The following PER3 variants were observed in gnomAD, a reference collection of about 807,000 sequenced individuals.
The protein encoded by PER3 is period circadian regulator 3, also known as period circadian protein homolog 3.
Under a neutral mutation model 127.2 loss-of-function variants are expected in PER3, and 107 were observed. The ratio of observed to expected loss-of-function variants is 0.84; its 90% confidence interval spans 0.72 to 0.99. PER3 has a LOEUF of 0.99. PER3 is among the 50% of genes least tolerant of loss of function. The probability of loss-of-function intolerance (pLI) is 0.00; values close to 1 mark genes in which losing one functional copy is unlikely to be tolerated. For missense variants in PER3, 1,560 were observed against 1,525.8 expected (o/e 1.02, Z -0.37); for synonymous variants, 618 against 585.8 (o/e 1.05, Z -0.79).
At chr1:7,833,517 C>T (rs1577950617) in intron 19 of PER3, among the ~76,000 whole-genome samples, 2 of 152,156 alleles carry the variant, frequency 1.3e-5, no homozygotes, top group Admixed American at 1.3e-4. Flanking sequence ...ATATGTCTTG[C>T]TTTGAAGTCT....
chr1:7,812,876 A>C (rs2150906516), intron 13 of PER3, among the ~76,000 whole-genome samples: 1 of 152,244 alleles, frequency 6.6e-6, no homozygotes, highest in South Asian at 2.1e-4. Context: ...GAGCTACAGA[A>C]ACCTTTATAC....
In PER3 at chr1:7,826,785, A is replaced by G. The variant is rs2097303458; in HGVS notation, c.2188+75A>G. The G allele has an allele frequency of 3.5e-6, 3 of 857,588 alleles. No homozygotes were observed. Among genetic ancestry groups the G allele is most frequent in the Non-Finnish European group, 5.7e-6 (3 of 524,116 alleles). The allele number at this position is 857,588 out of a possible 1,614,324, so 53.1% of individuals were successfully genotyped here. On this transcript the variant is annotated intron_variant, in intron 17 of 21. Coordinates refer to ENST00000377532, the MANE Select transcript of PER3 (RefSeq NM_001377275.1). This position sits in a 1 kb window ranked among gnomAD's most constrained non-coding sequence, Gnocchi z 4.2. ...AACTGTATCTAAGGACTAGGAGATA[A>G]GGAGTGAACAATAGGAGTTTTACTT...
chr1:7,828,914 T>C (rs983499215), intron 18 of PER3, among the ~76,000 whole-genome samples: 1 of 152,178 alleles, frequency 6.6e-6, no homozygotes, highest in Non-Finnish European at 1.5e-5. Context: ...AACATATAAA[T>C]GTTCGATATG....
rs765289714 is a variant in PER3, at chr1:7,820,561, G to A, written c.1878G>A (p.Thr626=). 2.9e-5 allele frequency: 46 copies of A among 1,614,016 alleles called. No homozygotes were observed. Among genetic ancestry groups the A allele is most frequent in the Non-Finnish European group, 3.5e-5 (41 of 1,180,018 alleles). ...TGGGAPQILS[T]AMLSLGSGIS... is the part of the protein sequence containing the mutation. ...GAGGAGCTCCACAGATCCTGTCCAC[G>A]GCGATGCTGAGCTTGGGGTCGGGCA... Residue 626 remains threonine (T), a synonymous_variant, in exon 16 of 22, where the codon ACG becomes ACA. Coordinates refer to ENST00000377532, the MANE Select transcript of PER3 (RefSeq NM_001377275.1).
chr1:7,793,055 A>G (rs908760597), intron 5 of PER3, among the ~76,000 whole-genome samples: 6 of 152,240 alleles, frequency 3.9e-5, no homozygotes, highest in African/African-American at 1.4e-4. Flanking sequence ...TCTTAGAAGT[A>G]TCAAGACCTG....
chr1:7,811,126 G>A, intron 13 of PER3, among the ~76,000 whole-genome samples: 1 of 152,164 alleles, frequency 6.6e-6, no homozygotes, highest in East Asian at 1.9e-4. Flanking sequence ...TAGTTGCATT[G>A]TATGGCATAG....
intron 19 of PER3, 50 bp downstream of exon 19, chr1:7,830,211 C>G: frequency 6.7e-7 from 1 of 1,485,562 alleles, no homozygotes; most frequent in African/African-American, 1.4e-5. Context: ...CAGACATTCA[C>G]TATGTGCTGA....
rs538444140 is a variant in PER3 at position 7,815,548 on chromosome 1, T to A, written c.1523-3737T>A. Among the ~76,000 whole-genome samples the A allele has an allele frequency of 5.2e-4, 79 of 152,308 alleles. 1 individual carries two copies. The highest frequency in any genetic ancestry group is 1.8e-3 in the African/African-American group (73 of 41,564). On this transcript the variant is annotated intron_variant, in intron 13 of 21. Transcript: ENST00000377532. The stretch of plus-strand genomic sequence containing the variant: ...GTCTTACATGTTTATGTATCTAATA[T>A]CAGAGCTGTTTATTCTCTAGCCATA...
At chr1:7,815,991 C>CAAAAAAAAA (rs34144861) in intron 13 of PER3, among the ~76,000 whole-genome samples, 2 of 67,662 alleles carry the variant, frequency 3.0e-5, no homozygotes, top group East Asian at 7.7e-4. Flanking sequence ...GACTCCGTCT[C>CAAAAAAAAA]AAAAAAAAAA....
chr1:7,809,529 C>T (rs2097209744), intron 11 of PER3, among the ~76,000 whole-genome samples: 1 of 152,062 alleles, frequency 6.6e-6, no homozygotes, highest in Non-Finnish European at 1.5e-5. Flanking sequence ...CATGAAATAC[C>T]TGCCACGTTC....
intron 13 of PER3, among the ~76,000 whole-genome samples, chr1:7,817,701 G>A (rs192012147): frequency 6.6e-6 from 1 of 152,170 alleles, no homozygotes; most frequent in East Asian, 1.9e-4. Context: ...AATATACAGA[G>A]GGATGGATAG....
chr1:7,824,156 A>T (rs1291721340), intron 16 of PER3, among the ~76,000 whole-genome samples: 1 of 152,230 alleles, frequency 6.6e-6, no homozygotes, highest in Non-Finnish European at 1.5e-5. Context: ...AAATAGCTTT[A>T]AAAATGCCGT....
intron 18 of PER3, among the ~76,000 whole-genome samples, chr1:7,828,227 ACTT>A (rs2097312351): frequency 2.0e-5 from 3 of 152,236 alleles, no homozygotes; most frequent in Admixed American, 1.3e-4. Context: ...TAACGATTGT[ACTT>A]CTTCATGCAC....
In PER3 at chr1:7,793,974, T is replaced by A. The variant is rs747298171; in HGVS notation, c.610T>A (p.Cys204Ser). ...WTQRAAARYE[C>S]APVKPFFCRI... ...CTTTCTAGCAGCTGCACGGTATGAA[T>A]GTGCTCCGGTGAAACCTTTTTTCTG... Residue 204 changes from cysteine (C) to serine (S), a missense_variant, in exon 6 of 22, where the codon TGT becomes AGT. Transcript: ENST00000377532. The A allele has an allele frequency of 6.2e-7, 1 of 1,614,074 alleles. No individual in the cohort carries two copies. The highest frequency in any genetic ancestry group is 8.5e-7 in the Non-Finnish European group (1 of 1,179,900).
intron 19 of PER3, among the ~76,000 whole-genome samples, chr1:7,832,522 C>T (rs1377549086): frequency 7.3e-5 from 11 of 151,068 alleles, no homozygotes; most frequent in African/African-American, 1.5e-4. Context: ...TACGGGTGCC[C>T]GCCACCACAC....
At chr1:7,812,540 G>A (rs4908695) in intron 13 of PER3, among the ~76,000 whole-genome samples, 15,698 of 145,572 alleles carry the variant, frequency 0.11, 1,183 homozygotes, top group Non-Finnish European at 0.15. Context: ...CAGGAGAATG[G>A]CGTGAATCCG....
At position 7,803,140 on chromosome 1, in the gene PER3, C is replaced by T; in HGVS notation, c.966C>T (p.Ala322=). Residue 322 remains alanine (A), a synonymous_variant, in exon 9 of 22, where the codon GCC becomes GCT. Transcript: ENST00000377532. ...LHPEDRSLMV[A]IHQKVLKYAG... is the part of the protein sequence containing the mutation. ...CTGAAGATCGTTCTCTGATGGTTGC[C>T]ATACACCAAAAAGGTCAGGACCTAC... 1 of 1,599,184 alleles carries T rather than the reference C, an allele frequency of 6.3e-7. No homozygotes were observed. Among genetic ancestry groups the T allele is most frequent in the Non-Finnish European group, 8.6e-7 (1 of 1,166,432 alleles).
At chr1:7,804,008 G>A in intron 10 of PER3, 160 bp downstream of exon 10, 4 of 544,114 alleles carry the variant, frequency 7.4e-6, no homozygotes, top group Middle Eastern at 5.0e-4. Context: ...TGTACCGTGA[G>A]CCTTAAAAGA....
At position 7,820,155 on chromosome 1, in the gene PER3, T is replaced by G. The variant is rs1164209894; in HGVS notation, c.1699T>G (p.Cys567Gly). Residue 567 changes from cysteine to glycine, a missense_variant, in exon 15 of 22, where the codon TGT becomes GGT. Physicochemically the swap from Cys to Gly is radical, Grantham distance 159 (BLOSUM62 -3). This residue lies in a region of PER3 where 1,332 missense variants were observed against 1,223.6 expected (regional missense o/e 1.09). Coordinates refer to ENST00000377532, the MANE Select transcript of PER3 (RefSeq NM_001377275.1). Reference sequence around the variant, plus strand: ...CAACATTCCAGCTTTGAAAAGAAAGTGTATCTCCTGTACAAATACAACTTC... The same window carrying G: ...CAACATTCCAGCTTTGAAAAGAAAGGGTATCTCCTGTACAAATACAACTTC... ...SYNIPALKRKCISCTNTTSSS... is the reference protein window; with the variant it reads ...SYNIPALKRKGISCTNTTSSS... 2.5e-6 allele frequency: 4 copies of G among 1,613,342 alleles called. No homozygotes were observed. Among genetic ancestry groups the G allele is most frequent in the East Asian group, 2.2e-5 (1 of 44,852 alleles).
Sources: gnomAD v4.1 joint callset for allele counts (sites outside exome capture counted in the v4.1 genomes callset) on GRCh38, gnomAD v4.1.1 for gene constraint, gnomAD v4.1.1 regional missense constraint, Gnocchi (gnomAD v3.1) non-coding constraint, MANE v1.5 for transcripts, NCBI Gene and HGNC (gene_info 2026-07-23, HGNC 2026-07-21) for gene names.